The following UTP6 variants were observed in gnomAD, a reference collection of about 807,000 sequenced individuals.
UTP6 encodes U3 small nucleolar RNA-associated protein 6 homolog.
In UTP6, 60 loss-of-function variants were observed where a neutral mutation model predicts 96.5. The observed-to-expected ratio is 0.62, with a 90% CI of 0.51 to 0.77. The LOEUF is 0.77. UTP6 is among the 30% of genes least tolerant of loss of function. UTP6 has a pLI of 0.00. For synonymous variants in UTP6, 215 were observed against 240.1 expected (o/e 0.90, Z 0.96); for missense variants, 637 against 706.5 (o/e 0.90, Z 1.12).
At chr17:31,877,908 A>C (rs1429311341) in intron 13 of UTP6, among the ~76,000 whole-genome samples, 1 of 150,790 alleles carries the variant, frequency 6.6e-6, no homozygotes, top group Non-Finnish European at 1.5e-5. Context: ...CAGAGGATGC[A>C]GTGAGCTGAG....
Position 31,901,657 on chromosome 17 carries a change from G to T in UTP6, c.-30C>A. ...TCCGAGGTCTACAACCCCGCGGGTAGCTTCTCAACAGCGAACACGAGCAGG... is the reference window on the plus strand; with the variant it reads ...TCCGAGGTCTACAACCCCGCGGGTATCTTCTCAACAGCGAACACGAGCAGG... On this transcript the variant is annotated 5_prime_UTR_variant, in exon 1 of 19. Transcript: ENST00000261708. 2.5e-6 allele frequency: 4 copies of T among 1,606,696 alleles called. No individual in the cohort carries two copies. Among genetic ancestry groups the T allele is most frequent in the Non-Finnish European group, 3.4e-6 (4 of 1,175,752 alleles).
rs1909564637 is a variant in UTP6 at position 31,861,665 on chromosome 17, A to G, written c.*1694T>C. ...AATTAGTAAGAAAAAAAATTTTTAA[A>G]TAGTCTAAGGATGTAAAAAGATGAG... On this transcript the variant is annotated 3_prime_UTR_variant, in exon 19 of 19. Coordinates refer to ENST00000261708, the MANE Select transcript of UTP6 (RefSeq NM_018428.3). The G allele has an allele frequency of 6.6e-6, 1 of 152,192 alleles. No individual in the cohort carries two copies. Among genetic ancestry groups the G allele is most frequent in the Non-Finnish European group, 1.5e-5 (1 of 68,038 alleles). The allele number at this position is 152,192 out of a possible 1,614,324, so 9.4% of individuals were successfully genotyped here.
chr17:31,885,863 T>C, intron 9 of UTP6, 117 bp downstream of exon 9: 1 of 803,288 alleles, frequency 1.2e-6, no homozygotes, highest in East Asian at 2.5e-5. Flanking sequence ...AACAGGACAC[T>C]ATTCCTACAG....
rs1002431635 is a variant in UTP6 at position 31,878,566 on chromosome 17, C to T, written c.1047+136G>A. On this transcript the variant is annotated intron_variant, in intron 12 of 18. Transcript: ENST00000261708. The stretch of plus-strand genomic sequence containing the variant: ...GACTCAGACCTTTAGAATGTCACGT[C>T]ACCCACAAGGAGAGAGAGAGTGGCT... 5.6e-6 allele frequency: 5 copies of T among 898,126 alleles called. No individual in the cohort carries two copies. In the Admixed American group the frequency reaches 1.0e-4, roughly 18 times the overall value. 55.6% of individuals were successfully genotyped at this position (898,126 alleles called of 1,614,324 possible).
rs765665411 is a variant in UTP6, at chr17:31,873,417, C to A, written c.1457G>T (p.Arg486Leu). 1.8e-5 allele frequency: 29 copies of A among 1,613,990 alleles called. 1 individual carries two copies. Among genetic ancestry groups the A allele is most frequent in the Admixed American group, 5.0e-5 (3 of 59,966 alleles). Residue 486 changes from arginine (R) to leucine (L), a missense_variant, in exon 16 of 19, where the codon CGA (arginine) becomes CTA (leucine). Arg to Leu is a moderately radical substitution (Grantham distance 102, BLOSUM62 -2). Transcript: ENST00000261708. The part of the protein sequence containing the change: ...LKNKYLDWAY[R>L]SGGYKKARAV... ...TCTGGCCTTTTTGTAGCCACCACTT[C>A]GATAAGCCCAATCCAGGTACTTATT...
Position 31,880,868 on chromosome 17 carries a change from C to T in UTP6, c.786-114G>A, listed in dbSNP as rs1379864543. 1.2e-5 allele frequency: 17 copies of T among 1,410,556 alleles called. No homozygotes were observed. The South Asian group carries it at 1.9e-4, about 16-fold the overall frequency. 87.4% of individuals were successfully genotyped at this position (1,410,556 alleles called of 1,614,324 possible). A position where few individuals can be genotyped will look rare whatever the true frequency, so the allele number is the denominator to read the frequency against. ...ACACAGGACATCCCTGTAACAACTG[C>T]AGTACCATAAAAACTATTTCCCAGG... On this transcript the variant is annotated intron_variant, in intron 10 of 18. Coordinates refer to ENST00000261708, the MANE Select transcript of UTP6 (RefSeq NM_018428.3).
chr17:31,899,878 G>A (rs748225382), intron 1 of UTP6, 148 bp from the exon 2 acceptor site: 5 of 615,558 alleles, frequency 8.1e-6, no homozygotes, highest in Non-Finnish European at 1.3e-5. Flanking sequence ...GGACACAGTG[G>A]CTCATGCCTG....
chr17:31,873,344 G>A (rs58068845), intron 16 of UTP6, 34 bp downstream of exon 16: 24,740 of 1,597,848 alleles, frequency 0.015, 225 homozygotes, highest in African/African-American at 0.023. Flanking sequence ...ATGGGGTAGA[G>A]GGACTAGTAA....
At chr17:31,898,487 T>G (rs1904784762) in intron 2 of UTP6, among the ~76,000 whole-genome samples, 1 of 151,472 alleles carries the variant, frequency 6.6e-6, no homozygotes, top group African/African-American at 2.4e-5. Flanking sequence ...ATCGCACCAC[T>G]GCACTCCAGC....
chr17:31,884,528 G>T, intron 9 of UTP6, 23 bp from the exon 10 acceptor site: 1 of 1,591,864 alleles, frequency 6.3e-7, no homozygotes, highest in Non-Finnish European at 8.6e-7. Flanking sequence ...AGCAGGGGAG[G>T]GGAAGTTTAT....
At chr17:31,863,622 G>T (rs1454887886) in intron 18 of UTP6, 106 bp from the exon 19 acceptor site, 5 of 1,008,078 alleles carry the variant, frequency 5.0e-6, no homozygotes, top group Non-Finnish European at 5.8e-6. Flanking sequence ...ACTTCTCATT[G>T]TTACTTCCCT....
intron 16 of UTP6, among the ~76,000 whole-genome samples, chr17:31,868,325 GTTTTTTT>G (rs33960994): frequency 2.2e-5 from 2 of 90,504 alleles, no homozygotes; most frequent in East Asian, 3.8e-4. Context: ...TAGTTTTTTG[GTTTTTTT>G]TTTTTTTTTT....
At chr17:31,895,802 G>T (rs1904601595) in intron 2 of UTP6, among the ~76,000 whole-genome samples, 1 of 151,644 alleles carries the variant, frequency 6.6e-6, no homozygotes, top group Admixed American at 6.6e-5. Context: ...CCAAAGTGCT[G>T]GGATTATAGG....
chr17:31,878,726 T>A lies in UTP6; in HGVS notation c.1023A>T (p.Ser341=), dbSNP rs1910644438. 4.3e-6 allele frequency: 7 copies of A among 1,614,078 alleles called. No homozygotes were observed. Among genetic ancestry groups the A allele is most frequent in the Non-Finnish European group, 5.9e-6 (7 of 1,180,050 alleles). ...CCTTCCCTCTAAGGAACCCACTATT[T>A]GACTTCTTAGTAAATCTTTCCAAGC... is the stretch of plus-strand genomic sequence containing the variant. ...TFCLERFTKK[S]NSGFLRGKRL... is the part of the protein sequence containing the mutation. Residue 341 remains serine, a synonymous_variant, in exon 12 of 19, where the codon TCA becomes TCT. Coordinates refer to ENST00000261708, the MANE Select transcript of UTP6 (RefSeq NM_018428.3).
At chr17:31,889,156 G>C in intron 7 of UTP6, 129 bp downstream of exon 7, 1 of 582,618 alleles carries the variant, frequency 1.7e-6, no homozygotes, top group South Asian at 2.7e-5. Flanking sequence ...GTATGGTGGC[G>C]GGCACCTGTA....
At chr17:31,869,792 G>A (rs557087194) in intron 16 of UTP6, among the ~76,000 whole-genome samples, 1 of 152,184 alleles carries the variant, frequency 6.6e-6, no homozygotes, top group African/African-American at 2.4e-5. Context: ...CACAGTAATC[G>A]ATAGGTAGCT....
chr17:31,889,223 A>T lies in UTP6; in HGVS notation c.543+62T>A, dbSNP rs969937263. The T allele has an allele frequency of 3.8e-6, 5 of 1,299,190 alleles. No homozygotes were observed. In the African/African-American group the frequency reaches 7.4e-5, roughly 19 times the overall value. The allele number at this position is 1,299,190 out of a possible 1,614,324, so 80.5% of individuals were successfully genotyped here. ...AATTGCTTGAATCCAGGAAAAAAAA[A>T]TATGTCTCCAGAGGACCAAACTGAA... On this transcript the variant is annotated intron_variant, in intron 7 of 18. Coordinates refer to ENST00000261708, the MANE Select transcript of UTP6 (RefSeq NM_018428.3).
chr17:31,883,158 A>T (rs188677094), intron 10 of UTP6, among the ~76,000 whole-genome samples: 185 of 152,140 alleles, frequency 1.2e-3, no homozygotes, highest in Middle Eastern at 3.4e-3. Flanking sequence ...ACATAGTGAG[A>T]CCTCATCTCT....
intron 10 of UTP6, among the ~76,000 whole-genome samples, chr17:31,882,736 G>A (rs576017796): frequency 2.8e-4 from 43 of 152,206 alleles, no homozygotes; most frequent in African/African-American, 1.0e-3. Context: ...CCTGTCAAAG[G>A]AAGAGGTGTT....
Sources: allele counts gnomAD v4.1 joint callset (sites outside exome capture counted in the v4.1 genomes callset), GRCh38; gene constraint gnomAD v4.1.1; transcripts MANE v1.5; gene names NCBI Gene and HGNC (gene_info 2026-07-23, HGNC 2026-07-21).